CHAF1B: variants seen among roughly 807,000 people sequenced by gnomAD.
CHAF1B encodes the protein CAF-1 subunit B.
Under a neutral mutation model 60.7 loss-of-function variants are expected in CHAF1B, and 10 were observed. The ratio of observed to expected loss-of-function variants is 0.16; its 90% confidence interval spans 0.10 to 0.28. CHAF1B has a LOEUF of 0.28. CHAF1B is among the 10% of genes least tolerant of loss of function. The probability of loss-of-function intolerance (pLI) is 1.00; values close to 1 mark genes in which losing one functional copy is unlikely to be tolerated. For synonymous variants in CHAF1B, 261 were observed against 266.1 expected, an observed-to-expected ratio of 0.98 and a Z score of 0.19; for missense variants, 558 against 708.4, an observed-to-expected ratio of 0.79 and a Z score of 2.41.
chr21:36,416,479 G>A lies in CHAF1B; in HGVS notation c.*113G>A, dbSNP rs2086320958. The A allele has an allele frequency of 1.5e-6, 1 of 686,304 alleles. No homozygotes were observed. The highest frequency in any genetic ancestry group is 2.4e-6 in the Non-Finnish European group (1 of 420,294). 42.5% of individuals were successfully genotyped at this position (686,304 alleles called of 1,614,324 possible). A position where few individuals can be genotyped will look rare whatever the true frequency, so the allele number is the denominator to read the frequency against. ...CCATGGAGCGGGACACACTGTAAAT[G>A]GATTTCTATAACAGAAGTGACATGT... On this transcript the variant is annotated 3_prime_UTR_variant, in exon 14 of 14. Transcript: ENST00000314103.
At position 36,386,079 on chromosome 21, in the gene CHAF1B, G is replaced by T. The variant is rs1391147253; in HGVS notation, c.-58G>T. ...CACCAGCATTTTGCAGCTTTCTCCT[G>T]TCTTGAAGAAGTAGAACGGTGCCCG... On this transcript the variant is annotated 5_prime_UTR_variant, in exon 2 of 14. Transcript: ENST00000314103. The T allele has an allele frequency of 5.0e-6, 8 of 1,605,408 alleles. No homozygotes were observed. Among genetic ancestry groups the T allele is most frequent in the Non-Finnish European group, 6.8e-6 (8 of 1,174,198 alleles).
In CHAF1B at chr21:36,413,221, A is replaced by G. The variant is rs768068670; in HGVS notation, c.1399A>G (p.Lys467Glu). The change falls in exon 12 of 14, where the codon AAG becomes GAG. Residue 467 changes from lysine to glutamate, a missense_variant. Around this residue, in one of 2 missense-constraint regions of CHAF1B, gnomAD observed 233 missense variants for 214.9 expected, o/e 1.08. Transcript: ENST00000314103. ...CCCCTTGCCGGGGCCTTCGGAGGAG[A>G]AGACCCTGCAGCCCAGTAGTCAAAA... ...KSPLPGPSEE[K>E]TLQPSSQNTK... 13 of 1,614,002 alleles carry G rather than the reference A, an allele frequency of 8.1e-6. No individual in the cohort carries two copies. Among genetic ancestry groups the G allele is most frequent in the Non-Finnish European group, 1.1e-5 (13 of 1,180,034 alleles).
chr21:36,400,338 G>T (rs1367777271), intron 7 of CHAF1B, among the ~76,000 whole-genome samples: 2 of 151,878 alleles, frequency 1.3e-5, no homozygotes, highest in Non-Finnish European at 2.9e-5. Flanking sequence ...AATTAGCCGG[G>T]TGCATGCATG....
At chr21:36,389,759 A>ATATATG (rs1491586590) in intron 3 of CHAF1B, among the ~76,000 whole-genome samples, 1 of 125,812 alleles carries the variant, frequency 7.9e-6, no homozygotes, top group African/African-American at 3.3e-5. Context: ...GCATGAAGGG[A>ATATATG]TGTGTGTGTG....
chr21:36,386,146 A>G lies in CHAF1B; in HGVS notation c.10A>G (p.Ile4Val), dbSNP rs2086030772. Residue 4 changes from isoleucine (I) to valine (V), a missense_variant, in exon 2 of 14, where the codon ATC (isoleucine) becomes GTC (valine). Coordinates refer to ENST00000314103, the MANE Select transcript of CHAF1B (RefSeq NM_005441.3). ...TTCGAGACTCAGGAGGATGAAAGTC[A>G]TCACTTGTGAAATAGCCTGGCACAA... is the stretch of plus-strand genomic sequence containing the variant. MKV[I>V]TCEIAWHNKE... is the part of the protein sequence containing the mutation. 5 of 1,614,150 alleles carry G rather than the reference A, an allele frequency of 3.1e-6. No homozygotes were observed. The highest frequency in any genetic ancestry group is 4.2e-6 in the Non-Finnish European group (5 of 1,180,000).
Position 36,409,394 on chromosome 21 carries a change from G to A in CHAF1B, c.848G>A (p.Cys283Tyr). The A allele has an allele frequency of 6.2e-7, 1 of 1,613,570 alleles. No homozygotes were observed. The highest frequency in any genetic ancestry group is 1.1e-5 in the South Asian group (1 of 91,048). Residue 283 changes from cysteine to tyrosine, a missense_variant, in exon 10 of 14, where the codon TGT becomes TAT. By Grantham distance (194) the Cys-to-Tyr change is radical (BLOSUM62 -2). Around this residue, in one of 2 missense-constraint regions of CHAF1B, gnomAD observed 325 missense variants for 493.5 expected, o/e 0.66. Coordinates refer to ENST00000314103, the MANE Select transcript of CHAF1B (RefSeq NM_005441.3). ...NLKRPIAHLP[C>Y]PGKATLAVRC... ...ATTAGGCCCATCGCTCATCTTCCAT[G>A]TCCTGGAAAAGCCACTCTTGCTGTT... is the stretch of plus-strand genomic sequence containing the variant.
At chr21:36,391,324 A>G (rs2086084336) in intron 3 of CHAF1B, among the ~76,000 whole-genome samples, 1 of 152,044 alleles carries the variant, frequency 6.6e-6, no homozygotes, top group Non-Finnish European at 1.5e-5. Context: ...TTAATACCCT[A>G]AAAATCCTGA....
At position 36,411,536 on chromosome 21, in the gene CHAF1B, C is replaced by T. The variant is rs772769980; in HGVS notation, c.993C>T (p.Asp331=). 6 of 1,614,154 alleles carry T rather than the reference C, an allele frequency of 3.7e-6. No individual in the cohort carries two copies. Among genetic ancestry groups the T allele is most frequent in the South Asian group, 1.1e-5 (1 of 91,082 alleles). ...VASEDSVLLY[D]TQQSFPFGYV... ...CGGAGGATTCCGTGCTTCTGTATGA[C>T]ACCCAGCAGTCCTTCCCTTTTGGTT... Residue 331 remains aspartate (D), a synonymous_variant, in exon 11 of 14, where the codon GAC becomes GAT. Coordinates refer to ENST00000314103, the MANE Select transcript of CHAF1B (RefSeq NM_005441.3).
Position 36,416,375 on chromosome 21 carries a change from C to T in CHAF1B, c.*9C>T, listed in dbSNP as rs1488424231. ...AAAGTCTGGACCCTTGATGGGACCTCGGCTTCTGCTCGAAGCCTACCAGGC... is the reference window on the plus strand; with the variant it reads ...AAAGTCTGGACCCTTGATGGGACCTTGGCTTCTGCTCGAAGCCTACCAGGC... On this transcript the variant is annotated 3_prime_UTR_variant, in exon 14 of 14. Coordinates refer to ENST00000314103, the MANE Select transcript of CHAF1B (RefSeq NM_005441.3). 1.1e-5 allele frequency: 17 copies of T among 1,611,076 alleles called. No individual in the cohort carries two copies. Among genetic ancestry groups the T allele is most frequent in the African/African-American group, 2.7e-5 (2 of 74,868 alleles).
In CHAF1B at chr21:36,387,213, A is replaced by G. The variant is rs140258736; in HGVS notation, c.127-385A>G. ...AAACTAAGTTTTCTTTCTGAAAATAAGCATAGTTTTGTTTTTTTTTTTTTT... is the reference window on the plus strand; with the variant it reads ...AAACTAAGTTTTCTTTCTGAAAATAGGCATAGTTTTGTTTTTTTTTTTTTT... On this transcript the variant is annotated intron_variant, in intron 2 of 13. Coordinates refer to ENST00000314103, the MANE Select transcript of CHAF1B (RefSeq NM_005441.3). Among the ~76,000 whole-genome samples the G allele has an allele frequency of 1.7e-3, 256 of 148,728 alleles. 1 individual carries two copies. Among genetic ancestry groups the G allele is most frequent in the African/African-American group, 6.3e-3 (248 of 39,666 alleles).
intron 3 of CHAF1B, among the ~76,000 whole-genome samples, chr21:36,389,940 G>A (rs1449980845): frequency 6.6e-6 from 1 of 152,138 alleles, no homozygotes; most frequent in Non-Finnish European, 1.5e-5. Flanking sequence ...CCAGAAACCT[G>A]CTGTTGTCAG....
At chr21:36,388,262 C>T (rs1285660253) in intron 3 of CHAF1B, among the ~76,000 whole-genome samples, 2 of 152,148 alleles carry the variant, frequency 1.3e-5, no homozygotes, top group Non-Finnish European at 2.9e-5. Context: ...TGTTTGAAAA[C>T]AGCTGCTTTC....
At chr21:36,412,836 T>G in intron 11 of CHAF1B, 48 bp from the exon 12 acceptor site, 323 of 1,540,632 alleles carry the variant, frequency 2.1e-4, no homozygotes, top group Non-Finnish European at 2.6e-4. Flanking sequence ...TAAGTAGATG[T>G]GAGAGTGTTG....
In CHAF1B at chr21:36,416,917, T is replaced by C. The variant is rs959361245; in HGVS notation, c.*551T>C. 2 of 152,200 alleles carry C rather than the reference T, an allele frequency of 1.3e-5. No homozygotes were observed. Among genetic ancestry groups the C allele is most frequent in the African/African-American group, 4.8e-5 (2 of 41,462 alleles). The allele number at this position is 152,200 out of a possible 1,614,324, so 9.4% of individuals were successfully genotyped here. On this transcript the variant is annotated 3_prime_UTR_variant, in exon 14 of 14. Transcript: ENST00000314103. ...AAAAGATGGGTATCACCCATCATCT[T>C]CCCACCAGAAGTAACCCTCGTTAAT...
intron 3 of CHAF1B, 49 bp from the exon 4 acceptor site, chr21:36,391,502 G>A (rs1250003614): frequency 1.0e-6 from 1 of 1,000,196 alleles, no homozygotes; most frequent in African/African-American, 1.7e-5. Flanking sequence ...ATCCTAATAT[G>A]AAGGAGTGTG....
intron 4 of CHAF1B, among the ~76,000 whole-genome samples, chr21:36,392,001 T>C (rs1789385428): frequency 7.5e-6 from 1 of 133,974 alleles, no homozygotes; most frequent in South Asian, 2.5e-4. Context: ...CATAGGACAA[T>C]AGTGGAGGGA....
chr21:36,402,867 T>C lies in CHAF1B; in HGVS notation c.757+16T>C. On this transcript the variant is annotated intron_variant, in intron 8 of 13. Coordinates refer to ENST00000314103, the MANE Select transcript of CHAF1B (RefSeq NM_005441.3). Reference sequence around the variant, plus strand: ...CTCACGCCAGGTGTGTTTCGTAGCTTTGGACTTAAAGGAATGATGGCCGAG... The same window carrying C: ...CTCACGCCAGGTGTGTTTCGTAGCTCTGGACTTAAAGGAATGATGGCCGAG... The C allele has an allele frequency of 6.2e-7, 1 of 1,604,410 alleles. No individual in the cohort carries two copies. The highest frequency in any genetic ancestry group is 8.5e-7 in the Non-Finnish European group (1 of 1,172,020).
intron 12 of CHAF1B, 78 bp from the exon 13 acceptor site, chr21:36,415,217 A>T (rs2086308335): frequency 4.7e-6 from 4 of 850,704 alleles, no homozygotes; most frequent in East Asian, 4.9e-5. Context: ...GGTAGTTTTG[A>T]AGGTTGGTAT....
intron 6 of CHAF1B, chr21:36,398,184 T>G (rs1322645668): frequency 6.6e-6 from 1 of 151,334 alleles, no homozygotes; most frequent in East Asian, 1.9e-4. Context: ...CCCCAAGTAA[T>G]TGGGACTACG....
Sources: allele counts gnomAD v4.1 joint callset (sites outside exome capture counted in the v4.1 genomes callset), GRCh38; gene constraint gnomAD v4.1.1; regional missense constraint gnomAD v4.1.1; transcripts MANE v1.5; gene names NCBI Gene and HGNC (gene_info 2026-07-23, HGNC 2026-07-21).